Variants in UGT1A8 observed in about 807,000 individuals in gnomAD.
UGT1A8 encodes UDP-glucuronosyltransferase 1A8.
Under a neutral mutation model 45.3 loss-of-function variants are expected in UGT1A8, and 39 were observed. That is an observed-to-expected ratio of 0.86 (90% CI 0.67 to 1.12). The LOEUF (loss-of-function observed/expected upper bound fraction) is 1.12, where lower values mean the gene tolerates loss of function less well. Among genes scored for constraint, UGT1A8 ranks in the 50% most tolerant of loss-of-function variants. The pLI is 0.00. For synonymous variants in UGT1A8, 275 were observed against 249.2 expected (o/e 1.10, Z -0.97); for missense variants, 719 against 664.9 (o/e 1.08, Z -0.90).
At position 233,719,178 on chromosome 2, in the gene UGT1A8, G is replaced by A. The variant is rs749190317; in HGVS notation, c.856-47856G>A. On this transcript the variant is annotated intron_variant, in intron 1 of 4. Transcript: ENST00000373450. ...TAGAAGTATGGCAATTATGAACAAT[G>A]TATCTTTGGCCCTTCATAGGTGTTG... The A allele has an allele frequency of 1.7e-5, 27 of 1,614,094 alleles. No homozygotes were observed. The highest frequency in any genetic ancestry group is 1.6e-4 in the Middle Eastern group (1 of 6,084).
At position 233,697,853 on chromosome 2, in the gene UGT1A8, G is replaced by A. The variant is rs373328291; in HGVS notation, c.856-69181G>A. On this transcript the variant is annotated intron_variant, in intron 1 of 4. Coordinates refer to ENST00000373450, the MANE Select transcript of UGT1A8 (RefSeq NM_019076.5). Reference sequence around the variant, plus strand: ...CTAATTAAGAAGTTAGTAAGCAAAAGTTATGCATTTATTTAATGATTTCTT... The same window carrying A: ...CTAATTAAGAAGTTAGTAAGCAAAAATTATGCATTTATTTAATGATTTCTT... Among the ~76,000 whole-genome samples, 3 of 152,022 alleles carry A rather than the reference G, an allele frequency of 2.0e-5. No homozygotes were observed. The East Asian group carries it at 5.8e-4, about 29-fold the overall frequency.
At chr2:233,624,412 A>G (rs1264462041) in intron 1 of UGT1A8, among the ~76,000 whole-genome samples, 3 of 152,126 alleles carry the variant, frequency 2.0e-5, no homozygotes, top group Admixed American at 2.0e-4. Flanking sequence ...ATAGGTTTTT[A>G]GTAGGAAGAT....
intron 1 of UGT1A8, chr2:233,712,923 A>C (rs769020830): frequency 1.1e-5 from 18 of 1,612,000 alleles, no homozygotes; most frequent in Non-Finnish European, 1.5e-5. Flanking sequence ...AAGGTAATTA[A>C]GACGAAGGAA....
rs528831440 is a variant in UGT1A8, at chr2:233,734,491, G to GT, written c.856-32536dup. Among the ~76,000 whole-genome samples, 467 of 152,022 alleles carry GT rather than the reference G, an allele frequency of 3.1e-3. 1 individual carries two copies. Among genetic ancestry groups the GT allele is most frequent in the Admixed American group, 5.0e-3 (77 of 15,264 alleles). On this transcript the variant is annotated intron_variant, in intron 1 of 4. Coordinates refer to ENST00000373450, the MANE Select transcript of UGT1A8 (RefSeq NM_019076.5). ...CCTGGATTCATTGATTTTTTTGAAG[G>GT]TTTTTTTGTGTCTCTATCTCTTTCA...
chr2:233,697,043 T>A (rs2075371432), intron 1 of UGT1A8, among the ~76,000 whole-genome samples: 2 of 152,186 alleles, frequency 1.3e-5, no homozygotes, highest in Non-Finnish European at 2.9e-5. Context: ...TTTTCTTTTT[T>A]TTTGTTGTGT....
At chr2:233,768,773 A>T (rs1302611596) in intron 4 of UGT1A8, among the ~76,000 whole-genome samples, 2 of 151,734 alleles carry the variant, frequency 1.3e-5, no homozygotes, top group Non-Finnish European at 2.9e-5. Context: ...TAGTAGAGAA[A>T]GGGTTTCACC....
intron 1 of UGT1A8, among the ~76,000 whole-genome samples, chr2:233,709,354 A>G (rs1369898370): frequency 6.6e-6 from 1 of 152,210 alleles, no homozygotes; most frequent in African/African-American, 2.4e-5. Flanking sequence ...CTATTACTAT[A>G]TAGATTTTTC....
intron 1 of UGT1A8, among the ~76,000 whole-genome samples, chr2:233,759,538 A>C (rs1009544779): frequency 1.3e-5 from 2 of 152,036 alleles, no homozygotes; most frequent in Non-Finnish European, 2.9e-5. Context: ...TTCTGTTCAC[A>C]TGCGCTCCAG....
At chr2:233,752,814 C>T (rs1695070900) in intron 1 of UGT1A8, among the ~76,000 whole-genome samples, 1 of 152,214 alleles carries the variant, frequency 6.6e-6, no homozygotes, top group African/African-American at 2.4e-5. Flanking sequence ...GAACACTTCC[C>T]ATTTATGACA....
At chr2:233,633,071 GT>G (rs1450767756) in intron 1 of UGT1A8, among the ~76,000 whole-genome samples, 3 of 151,544 alleles carry the variant, frequency 2.0e-5, no homozygotes, top group Admixed American at 1.3e-4. Flanking sequence ...ATGTAATCAT[GT>G]GGTTTTTGTC....
chr2:233,625,602 G>T (rs1174715291), intron 1 of UGT1A8, among the ~76,000 whole-genome samples: 1 of 151,726 alleles, frequency 6.6e-6, no homozygotes, highest in Non-Finnish European at 1.5e-5. Flanking sequence ...CATGGAATAT[G>T]CAGTCATAAA....
intron 1 of UGT1A8, among the ~76,000 whole-genome samples, chr2:233,712,689 G>T (rs550235910): frequency 6.6e-5 from 10 of 152,258 alleles, no homozygotes; most frequent in South Asian, 6.2e-4. Context: ...ATGAAATGGG[G>T]GTTCACAGCC....
At chr2:233,636,321 A>T (rs1358205326) in intron 1 of UGT1A8, 12 of 866,632 alleles carry the variant, frequency 1.4e-5, no homozygotes, top group Non-Finnish European at 1.9e-5. Flanking sequence ...TGGAAATCAT[A>T]CAAGTAGGTA....
intron 1 of UGT1A8, chr2:233,747,600 G>T: frequency 6.3e-7 from 1 of 1,575,586 alleles, no homozygotes; most frequent in Non-Finnish European, 8.7e-7. Context: ...GTCTTGTGTG[G>T]AGCTACTGCA....
intron 1 of UGT1A8, chr2:233,682,081 C>T (rs140853286): frequency 3.7e-6 from 6 of 1,614,112 alleles, no homozygotes; most frequent in Non-Finnish European, 4.2e-6. Context: ...TGGAGAAACT[C>T]ATCCTCAGGG....
intron 1 of UGT1A8, among the ~76,000 whole-genome samples, chr2:233,745,707 T>C (rs1693180198): frequency 6.9e-6 from 1 of 145,768 alleles, no homozygotes; most frequent in African/African-American, 2.6e-5. Flanking sequence ...CAACAAGTGA[T>C]CCAGAATGGC....
At chr2:233,727,897 G>A (rs1306526178) in intron 1 of UGT1A8, among the ~76,000 whole-genome samples, 1 of 152,194 alleles carries the variant, frequency 6.6e-6, no homozygotes, top group Non-Finnish European at 1.5e-5. Flanking sequence ...GACACGGCCA[G>A]GCAAGAAGAC....
At chr2:233,753,112 C>T (rs1267815033) in intron 1 of UGT1A8, 1 of 152,194 alleles carries the variant, frequency 6.6e-6, no homozygotes, top group African/African-American at 2.4e-5. Context: ...CAAACCCATC[C>T]CCAGCAAACT....
intron 1 of UGT1A8, among the ~76,000 whole-genome samples, chr2:233,766,563 T>C (rs533483088): frequency 6.6e-6 from 1 of 152,304 alleles, no homozygotes; most frequent in South Asian, 2.1e-4. Context: ...CCTAGGTCCA[T>C]GGGCACAGGT....
Sources: allele counts gnomAD v4.1 joint callset (sites outside exome capture counted in the v4.1 genomes callset), GRCh38; gene constraint gnomAD v4.1.1; transcripts MANE v1.5; gene names NCBI Gene and HGNC (gene_info 2026-07-23, HGNC 2026-07-21).